The following KAZN variants were observed in gnomAD, a reference collection of about 807,000 sequenced individuals.
The protein encoded by KAZN is kazrin.
In KAZN, 40 loss-of-function variants were observed where a neutral mutation model predicts 87.4. The observed-to-expected ratio is 0.46, with a 90% CI of 0.36 to 0.60. KAZN has a LOEUF of 0.60. KAZN is among the 20% of genes least tolerant of loss of function. The pLI is 0.00. For missense variants in KAZN, 898 were observed against 1,073.9 expected (o/e 0.84, Z 2.29); for synonymous variants, 466 against 458.3 (o/e 1.02, Z -0.22).
At chr1:13,954,282 C>A (rs914686288) in intron 1 of KAZN, among the ~76,000 whole-genome samples, 1 of 152,200 alleles carries the variant, frequency 6.6e-6, no homozygotes, top group Non-Finnish European at 1.5e-5. Context: ...AAAACCGCAT[C>A]ATGTGTCTGC....
intron 1 of KAZN, among the ~76,000 whole-genome samples, chr1:14,846,020 A>G (rs572366341): frequency 6.6e-6 from 1 of 152,272 alleles, no homozygotes; most frequent in South Asian, 2.1e-4. Flanking sequence ...GATTTATGTC[A>G]TGCTCCATCG....
chr1:14,244,799 T>C (rs1032928171), intron 2 of KAZN, among the ~76,000 whole-genome samples: 1 of 151,814 alleles, frequency 6.6e-6, no homozygotes, highest in African/African-American at 2.4e-5. Flanking sequence ...GGTGAGCAGG[T>C]GGGTAGGGGG....
chr1:14,819,026 G>T (rs1646658359), intron 1 of KAZN, among the ~76,000 whole-genome samples: 2 of 152,200 alleles, frequency 1.3e-5, no homozygotes, highest in African/African-American at 4.8e-5. Context: ...TTGCACTCCA[G>T]CCTGGGCAAC....
chr1:14,637,099 G>C (rs573859189), intron 1 of KAZN, among the ~76,000 whole-genome samples: 7 of 152,146 alleles, frequency 4.6e-5, no homozygotes, highest in Non-Finnish European at 1.0e-4. Flanking sequence ...CATTCCTGTG[G>C]TTGGCCGTTG....
At chr1:14,940,898 CTTTTTTTTTTTTT>C (rs66777443) in intron 1 of KAZN, among the ~76,000 whole-genome samples, 1,132 of 54,452 alleles carry the variant, frequency 0.021, 27 homozygotes, top group South Asian at 0.032. Context: ...TTCTACCTTT[CTTTTTTTTTTTTT>C]TTTTTTTTTT....
intron 1 of KAZN, among the ~76,000 whole-genome samples, chr1:14,838,845 C>T (rs968633274): frequency 6.6e-5 from 10 of 152,142 alleles, no homozygotes; most frequent in African/African-American, 2.4e-4. Flanking sequence ...TGATCTTGAA[C>T]TCCTGACCTC....
intron 2 of KAZN, among the ~76,000 whole-genome samples, chr1:15,012,046 T>A (rs1323304391): frequency 6.6e-6 from 1 of 152,160 alleles, no homozygotes; most frequent in Non-Finnish European, 1.5e-5. Flanking sequence ...TAATGGCAGC[T>A]AACACCATGG....
intron 1 of KAZN, among the ~76,000 whole-genome samples, chr1:14,137,641 A>C (rs1241394513): frequency 1.3e-5 from 2 of 151,972 alleles, no homozygotes. Context: ...GGATCTGTTC[A>C]AACATGTAAA....
At chr1:14,891,581 C>CA (rs1343498822) in intron 1 of KAZN, among the ~76,000 whole-genome samples, 5 of 152,252 alleles carry the variant, frequency 3.3e-5, no homozygotes, top group African/African-American at 9.6e-5. Context: ...AGTTAAAGAC[C>CA]ACTGCTTTAA....
chr1:14,060,957 C>A (rs1642770753), intron 1 of KAZN, among the ~76,000 whole-genome samples: 1 of 152,178 alleles, frequency 6.6e-6, no homozygotes, highest in East Asian at 1.9e-4. Flanking sequence ...AGACTGGAGA[C>A]TTGGGGTCAA....
intron 1 of KAZN, among the ~76,000 whole-genome samples, chr1:13,940,921 A>G (rs1640903769): frequency 6.6e-6 from 1 of 152,198 alleles, no homozygotes; most frequent in African/African-American, 2.4e-5. Flanking sequence ...TGGGCTGGGC[A>G]TGGTGGCTCA....
intron 1 of KAZN, among the ~76,000 whole-genome samples, chr1:14,672,420 C>T (rs995388231): frequency 6.6e-6 from 1 of 152,182 alleles, no homozygotes; most frequent in African/African-American, 2.4e-5. Flanking sequence ...CATGATGTGG[C>T]CCGAACCCTC....
rs1272875735 is a variant in KAZN, at chr1:14,735,968, A to G, written c.226+136745A>G. On this transcript the variant is annotated intron_variant, in intron 1 of 14. Transcript: ENST00000376030. The surrounding 1 kb of genome is among the most constrained non-coding windows in gnomAD (Gnocchi z 4.3). ...TGGAGCCCCCGCAGGAAGATGAGTT[A>G]CCTCCAACAAATAAGTGTTATGGGA... 6.6e-6 allele frequency among the ~76,000 whole-genome samples: 1 copy of G among 152,116 alleles called. No individual in the cohort carries two copies. The highest frequency in any genetic ancestry group is 2.4e-5 in the African/African-American group (1 of 41,422).
At chr1:14,281,209 G>A (rs959445188) in intron 2 of KAZN, among the ~76,000 whole-genome samples, 1 of 152,132 alleles carries the variant, frequency 6.6e-6, no homozygotes, top group Non-Finnish European at 1.5e-5. Context: ...CTCTAGTTGG[G>A]TTTCCCTGGA....
At chr1:14,722,596 A>G (rs958020758) in intron 1 of KAZN, among the ~76,000 whole-genome samples, 2 of 152,342 alleles carry the variant, frequency 1.3e-5, no homozygotes, top group African/African-American at 4.8e-5. Context: ...TACCTTTGTA[A>G]AATAAAATTT....
rs1008055343 is a variant in KAZN, at chr1:14,235,438, G to A, written c.249+54846G>A. On this transcript the variant is annotated intron_variant, in intron 2 of 16. Coordinates refer to the KAZN transcript ENST00000636203. ...AAATTCATAGTCAGAAAGCAGATTAGTGGTTGTCAGCGGAGGGGGGATGTA... is the reference window on the plus strand; with the variant it reads ...AAATTCATAGTCAGAAAGCAGATTAATGGTTGTCAGCGGAGGGGGGATGTA... Among the ~76,000 whole-genome samples the A allele has an allele frequency of 2.0e-5, 3 of 152,202 alleles. No homozygotes were observed. The East Asian group carries it at 5.8e-4, about 29-fold the overall frequency.
chr1:14,829,083 A>G (rs1490900831), intron 1 of KAZN, among the ~76,000 whole-genome samples: 1 of 152,190 alleles, frequency 6.6e-6, no homozygotes. Flanking sequence ...GGGGCTGAGT[A>G]TACTGTTACT....
At chr1:14,911,353 C>T (rs1360956313) in intron 1 of KAZN, among the ~76,000 whole-genome samples, 1 of 152,190 alleles carries the variant, frequency 6.6e-6, no homozygotes, top group Non-Finnish European at 1.5e-5. Flanking sequence ...TCTCTATGTC[C>T]CTGGGACTTG....
chr1:14,611,710 G>C (rs1322308081), intron 1 of KAZN, among the ~76,000 whole-genome samples: 1 of 150,728 alleles, frequency 6.6e-6, no homozygotes, highest in Non-Finnish European at 1.5e-5. Context: ...AAAAAATTAA[G>C]ATTTCCCCAA....
Sources: gnomAD v4.1 joint callset for allele counts (sites outside exome capture counted in the v4.1 genomes callset) on GRCh38, gnomAD v4.1.1 for gene constraint, Gnocchi (gnomAD v3.1) non-coding constraint, MANE v1.5 for transcripts, NCBI Gene and HGNC (gene_info 2026-07-23, HGNC 2026-07-21) for gene names.